The following LPP variants were observed in gnomAD, a reference collection of about 807,000 sequenced individuals.
The protein encoded by LPP is lipoma-preferred partner.
LPP carries 38 observed loss-of-function variants against 60.4 expected under a neutral mutation model. The ratio of observed to expected loss-of-function variants is 0.63; its 90% CI spans 0.49 to 0.83. The LOEUF (loss-of-function observed/expected upper bound fraction) is 0.83. LPP is among the 40% of genes least tolerant of loss of function. The pLI is 0.00. For missense variants in LPP, 902 were observed against 783.6 expected, an observed-to-expected ratio of 1.15 and a Z score of -1.80; for synonymous variants, 328 against 290.8, an observed-to-expected ratio of 1.13 and a Z score of -1.30.
At chr3:188,731,474 T>C (rs1720450084) in intron 8 of LPP, among the ~76,000 whole-genome samples, 1 of 152,120 alleles carries the variant, frequency 6.6e-6, no homozygotes, top group African/African-American at 2.4e-5. Flanking sequence ...ATAATTTTCC[T>C]TGGCATTGGT....
chr3:188,715,448 A>G (rs1397650437), intron 8 of LPP, among the ~76,000 whole-genome samples: 3 of 149,880 alleles, frequency 2.0e-5, no homozygotes, highest in Non-Finnish European at 4.5e-5. Flanking sequence ...ATTATAATTT[A>G]GAGTCAATTC....
chr3:188,464,894 T>G (rs1241509634), intron 4 of LPP, among the ~76,000 whole-genome samples: 1 of 150,616 alleles, frequency 6.6e-6, no homozygotes, highest in African/African-American at 2.4e-5. Context: ...CCTTAAATGT[T>G]AGGGAAGCTT....
chr3:188,402,605 T>G (rs1292663804), intron 3 of LPP, among the ~76,000 whole-genome samples: 2 of 152,236 alleles, frequency 1.3e-5, no homozygotes, highest in Non-Finnish European at 1.5e-5. Context: ...ATTGTATCAG[T>G]GAATGCTATA....
intron 4 of LPP, among the ~76,000 whole-genome samples, chr3:188,409,183 TCA>T (rs1784350605): frequency 1.3e-5 from 2 of 152,158 alleles, no homozygotes; most frequent in Admixed American, 6.5e-5. Context: ...ATGGTATAAC[TCA>T]GTCTTTTGTT....
chr3:188,405,744 T>TA (rs1783308465), intron 3 of LPP, among the ~76,000 whole-genome samples: 1 of 152,190 alleles, frequency 6.6e-6, no homozygotes, highest in Non-Finnish European at 1.5e-5. Flanking sequence ...CCTCCTACCA[T>TA]AAAATCTCCT....
At chr3:188,447,612 A>G (rs1795552817) in intron 4 of LPP, among the ~76,000 whole-genome samples, 2 of 4,068 alleles carry the variant, frequency 4.9e-4, no homozygotes, top group African/African-American at 6.7e-4. Context: ...TGCCTCAAAA[A>G]AAAAAAAAAA....
At chr3:188,175,804 G>A (rs1232325941) in intron 1 of LPP, among the ~76,000 whole-genome samples, 1 of 151,668 alleles carries the variant, frequency 6.6e-6, no homozygotes, top group Non-Finnish European at 1.5e-5. Context: ...GTACCAGGAT[G>A]CCACTGTGCT....
rs1843064644 is a variant in LPP at position 188,609,030 on chromosome 3, C to G, written c.430-131C>G. 8.2e-6 allele frequency: 6 copies of G among 734,038 alleles called. No individual in the cohort carries two copies. The highest frequency in any genetic ancestry group is 2.0e-5 in the South Asian group (1 of 50,016). 45.5% of individuals were successfully genotyped at this position (734,038 alleles called of 1,614,324 possible). A position where few individuals can be genotyped will look rare whatever the true frequency, so the allele number is the denominator to read the frequency against. ...GAACACTTTGAAGGCAAGATTATGC[C>G]TTATTTGTGTTCTACATAGTAATAA... is the stretch of plus-strand genomic sequence containing the variant. On this transcript the variant is annotated intron_variant, in intron 6 of 11. Coordinates refer to ENST00000617246, the MANE Select transcript of LPP (RefSeq NM_001375462.1). The surrounding 1 kb of genome is among the most constrained non-coding windows in gnomAD (Gnocchi z 6.9).
chr3:188,366,453 C>T (rs781505324), intron 3 of LPP, among the ~76,000 whole-genome samples: 23 of 152,224 alleles, frequency 1.5e-4, no homozygotes, highest in South Asian at 1.0e-3. Flanking sequence ...GTTATGTCAG[C>T]GGTGTGCTGG....
chr3:188,583,601 A>G (rs1210308345), intron 6 of LPP, among the ~76,000 whole-genome samples: 1 of 151,872 alleles, frequency 6.6e-6, no homozygotes, highest in East Asian at 1.9e-4. Context: ...ACCTCTTTCC[A>G]CCCATTTTAA....
intron 2 of LPP, among the ~76,000 whole-genome samples, chr3:188,330,527 C>A (rs1046245595): frequency 6.6e-6 from 1 of 152,150 alleles, no homozygotes; most frequent in Non-Finnish European, 1.5e-5. Flanking sequence ...TCTTTCCTAT[C>A]CCAAAGTATG....
chr3:188,850,083 G>T (rs1466935975), intron 9 of LPP, among the ~76,000 whole-genome samples: 3 of 152,194 alleles, frequency 2.0e-5, no homozygotes, highest in Non-Finnish European at 4.4e-5. Context: ...CCTAGAGGTT[G>T]TTAGTTTTTG....
At chr3:188,868,290 T>G (rs1767181678) in intron 10 of LPP, among the ~76,000 whole-genome samples, 1 of 152,174 alleles carries the variant, frequency 6.6e-6, no homozygotes, top group Non-Finnish European at 1.5e-5. Flanking sequence ...ACCCCTCAAT[T>G]AAAACAGGAA....
intron 7 of LPP, among the ~76,000 whole-genome samples, chr3:188,627,899 C>T (rs1163194785): frequency 6.6e-6 from 1 of 152,070 alleles, no homozygotes; most frequent in Non-Finnish European, 1.5e-5. Flanking sequence ...AAATAACTGA[C>T]ATCATACCAA....
intron 9 of LPP, among the ~76,000 whole-genome samples, chr3:188,784,012 G>C (rs1002443445): frequency 6.6e-6 from 1 of 152,036 alleles, no homozygotes; most frequent in East Asian, 1.9e-4. Context: ...TGAGATTTTC[G>C]TGCACCCATC....
At chr3:188,656,747 T>C (rs1853302291) in intron 7 of LPP, among the ~76,000 whole-genome samples, 1 of 152,212 alleles carries the variant, frequency 6.6e-6, no homozygotes, top group Non-Finnish European at 1.5e-5. Context: ...AAATGCAGGT[T>C]CTCTGAAGCC....
chr3:188,643,853 A>G (rs987188463), intron 7 of LPP, among the ~76,000 whole-genome samples: 1 of 152,196 alleles, frequency 6.6e-6, no homozygotes, highest in Non-Finnish European at 1.5e-5. Context: ...GTGGTAACCC[A>G]AATAGCTATG....
intron 2 of LPP, among the ~76,000 whole-genome samples, chr3:188,237,537 C>A (rs1016068684): frequency 2.6e-5 from 4 of 152,150 alleles, no homozygotes; most frequent in African/African-American, 9.7e-5. Context: ...TGAAATTACT[C>A]CTTGATCCAT....
chr3:188,701,944 C>CTTT lies in LPP; in HGVS notation c.1114-6302_1114-6300dup, dbSNP rs35803152. ...TCTCATCCTAGTTCTGTTTTTTTCC[C>CTTT]TTTTTTTTTTTTTTTTTTTTTTTGA... On this transcript the variant is annotated intron_variant, in intron 7 of 11. Coordinates refer to ENST00000617246, the MANE Select transcript of LPP (RefSeq NM_001375462.1). 7.9e-3 allele frequency among the ~76,000 whole-genome samples: 660 copies of CTTT among 83,572 alleles called. 3 individuals carry two copies. The highest frequency in any genetic ancestry group is 0.011 in the Non-Finnish European group (509 of 48,388). 54.8% of individuals were successfully genotyped at this position (83,572 alleles called of 152,430 possible).
Sources: allele counts gnomAD v4.1 joint callset (sites outside exome capture counted in the v4.1 genomes callset), GRCh38; gene constraint gnomAD v4.1.1; non-coding constraint Gnocchi (gnomAD v3.1); transcripts MANE v1.5; gene names NCBI Gene and HGNC (gene_info 2026-07-23, HGNC 2026-07-21).